SPSB1: variants seen among roughly 807,000 people sequenced by gnomAD.
SPSB1 encodes the protein SPRY domain-containing SOCS box protein 1.
In SPSB1, 8 loss-of-function variants were observed where a neutral mutation model predicts 21.2. That is an observed-to-expected ratio of 0.38 (90% CI 0.22 to 0.68). The LOEUF is 0.68. Ranked by LOEUF, SPSB1 falls within the 30% of genes least tolerant of loss-of-function variation. SPSB1 has a pLI of 0.53. For missense variants in SPSB1, 242 were observed against 377.8 expected (o/e 0.64, Z 2.98); for synonymous variants, 169 against 161.7 (o/e 1.05, Z -0.34).
chr1:9,307,269 A>G (rs954122384), intron 1 of SPSB1, among the ~76,000 whole-genome samples: 3 of 152,186 alleles, frequency 2.0e-5, no homozygotes, highest in Non-Finnish European at 2.9e-5. Flanking sequence ...ATGTAAAATG[A>G]GCCATTTTAA....
chr1:9,308,496 G>A (rs1047040563), intron 1 of SPSB1, among the ~76,000 whole-genome samples: 1 of 152,224 alleles, frequency 6.6e-6, no homozygotes, highest in Non-Finnish European at 1.5e-5. Context: ...CCTTGTTGGA[G>A]CTCCCGACAA....
chr1:9,301,947 A>G (rs547506), intron 1 of SPSB1, among the ~76,000 whole-genome samples: 94,724 of 152,120 alleles, frequency 0.62, 29,779 homozygotes, highest in East Asian at 0.81. Flanking sequence ...TTCCCTGCAC[A>G]CAGTGCTTCT....
In SPSB1 at chr1:9,346,834, G is replaced by T. The variant is rs182901026; in HGVS notation, c.-149-8909G>T. 6.6e-6 allele frequency among the ~76,000 whole-genome samples: 1 copy of T among 152,346 alleles called. No homozygotes were observed. Among genetic ancestry groups the T allele is most frequent in the African/African-American group, 2.4e-5 (1 of 41,578 alleles). On this transcript the variant is annotated intron_variant, in intron 1 of 2. Coordinates refer to ENST00000328089, the MANE Select transcript of SPSB1 (RefSeq NM_025106.4). The surrounding 1 kb of genome is among the most constrained non-coding windows in gnomAD (Gnocchi z 4.4). ...CTGCCACCTGGCTGGGTATGGGGAC[G>T]GACCAGCTGTTCTCTTCTTGTGTTC...
Position 9,355,576 on chromosome 1 carries a change from C to T in SPSB1, c.-149-167C>T, listed in dbSNP as rs150207660. Reference sequence around the variant, plus strand: ...TCCTTTGTGACAGCTAGCCAGGGAACGGGGGATTTCATTCTGCGCCAAGGC... The same window carrying T: ...TCCTTTGTGACAGCTAGCCAGGGAATGGGGGATTTCATTCTGCGCCAAGGC... On this transcript the variant is annotated intron_variant, in intron 1 of 2. Transcript: ENST00000328089. The T allele has an allele frequency of 4.0e-3, 2,637 of 665,978 alleles. 16 individuals carry two copies. The highest frequency in any genetic ancestry group is 0.023 in the Middle Eastern group (39 of 1,688). The allele number at this position is 665,978 out of a possible 1,614,324, so 41.3% of individuals were successfully genotyped here.
rs541002087 is a variant in SPSB1, at chr1:9,305,416, C to T, written c.-150+12345C>T. Reference sequence around the variant, plus strand: ...GGGCAGCCCAGTGACCTGTGGGCTCCAGGAGGGCAGGACCCGGCCGGCCAC... The same window carrying T: ...GGGCAGCCCAGTGACCTGTGGGCTCTAGGAGGGCAGGACCCGGCCGGCCAC... On this transcript the variant is annotated intron_variant, in intron 1 of 2. Transcript: ENST00000328089. This position sits in a 1 kb window ranked among gnomAD's most constrained non-coding sequence, Gnocchi z 4.8. 1.7e-3 allele frequency among the ~76,000 whole-genome samples: 255 copies of T among 152,338 alleles called. No homozygotes were observed. The highest frequency in any genetic ancestry group is 2.6e-3 in the Non-Finnish European group (174 of 68,034).
chr1:9,319,367 C>T (rs1287930648), intron 1 of SPSB1, among the ~76,000 whole-genome samples: 2 of 152,148 alleles, frequency 1.3e-5, no homozygotes, highest in Non-Finnish European at 2.9e-5. Context: ...ACACACCCAG[C>T]CCCCACAGGT....
intron 1 of SPSB1, among the ~76,000 whole-genome samples, chr1:9,329,094 G>A (rs543845340): frequency 5.3e-5 from 8 of 152,294 alleles, no homozygotes; most frequent in African/African-American, 1.4e-4. Context: ...GTAGGAGTTC[G>A]CGTGGGGGAC....
chr1:9,311,272 C>T (rs1046717020), intron 1 of SPSB1, among the ~76,000 whole-genome samples: 2 of 151,852 alleles, frequency 1.3e-5, no homozygotes, highest in East Asian at 1.9e-4. Context: ...CAGACAGGGC[C>T]GACCCAGGAG....
intron 1 of SPSB1, among the ~76,000 whole-genome samples, chr1:9,335,488 C>T (rs557336971): frequency 4.3e-5 from 6 of 139,114 alleles, no homozygotes; most frequent in African/African-American, 1.1e-4. Flanking sequence ...GGTGACAGAG[C>T]GAGTCTCTGT....
chr1:9,337,682 G>A (rs1557458075), intron 1 of SPSB1, among the ~76,000 whole-genome samples: 1 of 152,212 alleles, frequency 6.6e-6, no homozygotes, highest in African/African-American at 2.4e-5. Context: ...CCACCCTCCT[G>A]ATGGGGACTC....
intron 1 of SPSB1, among the ~76,000 whole-genome samples, chr1:9,339,951 ATG>A (rs1640062771): frequency 1.3e-5 from 2 of 151,680 alleles, no homozygotes; most frequent in Non-Finnish European, 2.9e-5. Flanking sequence ...TTTCCTTCTG[ATG>A]TGTGTTTCCT....
At chr1:9,297,889 G>A (rs563317) in intron 1 of SPSB1, among the ~76,000 whole-genome samples, 4 of 151,992 alleles carry the variant, frequency 2.6e-5, no homozygotes, top group East Asian at 1.9e-4. Flanking sequence ...GATCTTTCAC[G>A]CATACGTTGA....
chr1:9,357,719 CTG>C, intron 2 of SPSB1, among the ~76,000 whole-genome samples: 1 of 152,192 alleles, frequency 6.6e-6, no homozygotes, highest in African/African-American at 2.4e-5. Context: ...CTTTCTCAGA[CTG>C]TGAATGCAGC....
rs540697647 is a variant in SPSB1 at position 9,313,288 on chromosome 1, T to C, written c.-150+20217T>C. On this transcript the variant is annotated intron_variant, in intron 1 of 2. Coordinates refer to ENST00000328089, the MANE Select transcript of SPSB1 (RefSeq NM_025106.4). Reference sequence around the variant, plus strand: ...GGTGCCGGGCACCTATAATCCCAGCTACTTGGGAGGCTGAGGCAGGAAAAT... The same window carrying C: ...GGTGCCGGGCACCTATAATCCCAGCCACTTGGGAGGCTGAGGCAGGAAAAT... Among the ~76,000 whole-genome samples the C allele has an allele frequency of 3.9e-5, 6 of 152,088 alleles. No individual in the cohort carries two copies. In the East Asian group the frequency reaches 1.2e-3, roughly 29 times the overall value.
At chr1:9,361,156 C>CTTTTT (rs57871457) in intron 2 of SPSB1, among the ~76,000 whole-genome samples, 9 of 102,578 alleles carry the variant, frequency 8.8e-5, no homozygotes, top group African/African-American at 3.3e-4. Context: ...CTGTCATTTT[C>CTTTTT]TTTTTTTTTT....
chr1:9,352,894 G>A (rs1640289448), intron 1 of SPSB1, among the ~76,000 whole-genome samples: 1 of 150,864 alleles, frequency 6.6e-6, no homozygotes, highest in African/African-American at 2.4e-5. Context: ...GAGAGAGGGT[G>A]AATCTTCCAT....
At position 9,293,554 on chromosome 1, in the gene SPSB1, C is replaced by G. The variant is rs1557441389; in HGVS notation, c.-150+483C>G. On this transcript the variant is annotated intron_variant, in intron 1 of 2. Coordinates refer to ENST00000328089, the MANE Select transcript of SPSB1 (RefSeq NM_025106.4). This position sits in a 1 kb window ranked among gnomAD's most constrained non-coding sequence, Gnocchi z 5.1. ...GCGGCCCGGTCCCCCGTCGGGGCGC[C>G]CCCACCCTCCCGCAGCGCCTCCCCC... is the stretch of plus-strand genomic sequence containing the variant. 6.6e-6 allele frequency among the ~76,000 whole-genome samples: 1 copy of G among 151,980 alleles called. No homozygotes were observed. Among genetic ancestry groups the G allele is most frequent in the Non-Finnish European group, 1.5e-5 (1 of 67,944 alleles).
rs1046061687 is a variant in SPSB1, at chr1:9,324,407, G to T, written c.-150+31336G>T. Among the ~76,000 whole-genome samples the T allele has an allele frequency of 6.6e-6, 1 of 152,194 alleles. No homozygotes were observed. Among genetic ancestry groups the T allele is most frequent in the African/African-American group, 2.4e-5 (1 of 41,434 alleles). The stretch of plus-strand genomic sequence containing the variant: ...CACGTGGTAGGTCCTCAGTGAGGCT[G>T]TGATGAGCGTGGGGGCGTCTGGTGC... On this transcript the variant is annotated intron_variant, in intron 1 of 2. Coordinates refer to ENST00000328089, the MANE Select transcript of SPSB1 (RefSeq NM_025106.4). The surrounding 1 kb of genome is among the most constrained non-coding windows in gnomAD (Gnocchi z 4.3).
intron 1 of SPSB1, among the ~76,000 whole-genome samples, chr1:9,295,797 A>T (rs1350431084): frequency 1.3e-5 from 2 of 152,182 alleles, no homozygotes; most frequent in Admixed American, 1.3e-4. Context: ...TACGGTGTTC[A>T]TGAGTTCGTC....
Sources: gnomAD v4.1 joint callset for allele counts (sites outside exome capture counted in the v4.1 genomes callset) on GRCh38, gnomAD v4.1.1 for gene constraint, Gnocchi (gnomAD v3.1) non-coding constraint, MANE v1.5 for transcripts, NCBI Gene and HGNC (gene_info 2026-07-23, HGNC 2026-07-21) for gene names.